The following GUCY1A2 variants were observed in gnomAD, a reference collection of about 807,000 sequenced individuals.
GUCY1A2 encodes guanylate cyclase 1 soluble subunit alpha 2.
In GUCY1A2, 27 loss-of-function variants were observed where a neutral mutation model predicts 63.5. The ratio of observed to expected loss-of-function variants is 0.43; its 90% CI spans 0.31 to 0.59. The LOEUF is 0.59. GUCY1A2 is among the 20% of genes least tolerant of loss of function. The pLI is 0.11. For missense variants in GUCY1A2, 768 were observed against 913.3 expected (o/e 0.84, Z 2.05); for synonymous variants, 364 against 343.5 (o/e 1.06, Z -0.66).
At chr11:106,942,233 A>T (rs1158725666) in intron 3 of GUCY1A2, among the ~76,000 whole-genome samples, 1 of 152,150 alleles carries the variant, frequency 6.6e-6, no homozygotes, top group Admixed American at 6.6e-5. Context: ...TGACACTATT[A>T]ATCATCCCTT....
intron 2 of GUCY1A2, among the ~76,000 whole-genome samples, chr11:106,981,522 A>G (rs995690176): frequency 6.6e-6 from 1 of 152,014 alleles, no homozygotes; most frequent in African/African-American, 2.4e-5. Context: ...TTCTGAATAC[A>G]TATTTCTTTA....
intron 6 of GUCY1A2, among the ~76,000 whole-genome samples, chr11:106,716,732 G>A (rs1863220920): frequency 1.6e-5 from 2 of 126,134 alleles, no homozygotes; most frequent in Non-Finnish European, 3.1e-5. Flanking sequence ...TCACGCTACT[G>A]CACTCCAGCC....
At chr11:106,871,632 T>G (rs1859679404) in intron 4 of GUCY1A2, among the ~76,000 whole-genome samples, 1 of 152,184 alleles carries the variant, frequency 6.6e-6, no homozygotes, top group South Asian at 2.1e-4. Context: ...TTAAGGTCAT[T>G]TGATTATAAC....
At chr11:106,925,157 AAGAG>A (rs551963613) in intron 4 of GUCY1A2, among the ~76,000 whole-genome samples, 17 of 151,560 alleles carry the variant, frequency 1.1e-4, no homozygotes, top group East Asian at 3.9e-4. Flanking sequence ...AAGTTTTCAA[AAGAG>A]AGAGAGAGAG....
At chr11:106,801,356 C>T (rs1432478711) in intron 5 of GUCY1A2, among the ~76,000 whole-genome samples, 1 of 152,026 alleles carries the variant, frequency 6.6e-6, no homozygotes, top group Non-Finnish European at 1.5e-5. Context: ...AAAAGATGAA[C>T]TCTGGTAATT....
chr11:106,777,890 G>T (rs1455186258), intron 5 of GUCY1A2, among the ~76,000 whole-genome samples: 1 of 152,138 alleles, frequency 6.6e-6, no homozygotes, highest in East Asian at 1.9e-4. Flanking sequence ...TTGAGGTGCA[G>T]AGGCCCATCC....
At chr11:106,846,156 G>A (rs1859268062) in intron 4 of GUCY1A2, among the ~76,000 whole-genome samples, 1 of 151,532 alleles carries the variant, frequency 6.6e-6, no homozygotes, top group Non-Finnish European at 1.5e-5. Flanking sequence ...TGGATCCTAG[G>A]AGAGACAATC....
intron 4 of GUCY1A2, among the ~76,000 whole-genome samples, chr11:106,909,870 A>C (rs1341179695): frequency 3.9e-5 from 6 of 152,022 alleles, no homozygotes; most frequent in Admixed American, 3.9e-4. Flanking sequence ...GCTAATACCT[A>C]AGAATGAAAT....
At chr11:106,800,826 G>T (rs61905197) in intron 5 of GUCY1A2, among the ~76,000 whole-genome samples, 3,419 of 151,584 alleles carry the variant, frequency 0.023, 59 homozygotes, top group Middle Eastern at 0.054. Context: ...AACATGGCAT[G>T]TATATACATA....
At chr11:106,867,061 A>G (rs1356323549) in intron 4 of GUCY1A2, among the ~76,000 whole-genome samples, 1 of 151,982 alleles carries the variant, frequency 6.6e-6, no homozygotes, top group African/African-American at 2.4e-5. Flanking sequence ...GTTTCCCCCA[A>G]ATTAATTAAT....
chr11:106,889,487 A>G lies in GUCY1A2; in HGVS notation c.1206+49973T>C, dbSNP rs559572897. On this transcript the variant is annotated intron_variant, in intron 4 of 7. Coordinates refer to ENST00000526355, the MANE Select transcript of GUCY1A2 (RefSeq NM_000855.3). ...CTCAAGCATTCCAAAATCTATTTCA[A>G]TTGTCTCACAGCTCACTTCCACAGC... 2.0e-5 allele frequency among the ~76,000 whole-genome samples: 3 copies of G among 152,272 alleles called. No homozygotes were observed. In the East Asian group the frequency reaches 5.8e-4, roughly 29 times the overall value.
intron 3 of GUCY1A2, among the ~76,000 whole-genome samples, chr11:106,950,530 G>A (rs1860891533): frequency 6.6e-6 from 1 of 152,168 alleles, no homozygotes; most frequent in Non-Finnish European, 1.5e-5. Context: ...CTGCAGATAA[G>A]TATTCTCATC....
intron 7 of GUCY1A2, among the ~76,000 whole-genome samples, chr11:106,703,327 G>A (rs1266236790): frequency 2.6e-5 from 4 of 152,048 alleles, no homozygotes; most frequent in Non-Finnish European, 5.9e-5. Flanking sequence ...AATACACATG[G>A]CAATGATGAA....
chr11:106,866,561 C>A (rs1201194806), intron 4 of GUCY1A2, among the ~76,000 whole-genome samples: 1 of 152,050 alleles, frequency 6.6e-6, no homozygotes, highest in East Asian at 1.9e-4. Flanking sequence ...TTCCCAAGGT[C>A]ATTCTGCAAG....
chr11:106,903,196 C>A (rs1442625251), intron 4 of GUCY1A2, among the ~76,000 whole-genome samples: 2 of 152,086 alleles, frequency 1.3e-5, no homozygotes, highest in South Asian at 2.1e-4. Context: ...ATAATTATTA[C>A]ATCTTCTGAA....
chr11:106,723,792 C>T (rs1048695665), intron 6 of GUCY1A2, among the ~76,000 whole-genome samples: 2 of 152,062 alleles, frequency 1.3e-5, no homozygotes, highest in African/African-American at 4.8e-5. Context: ...TACTGCACTT[C>T]CAGCCTGGGC....
intron 4 of GUCY1A2, among the ~76,000 whole-genome samples, chr11:106,818,309 T>C (rs1858857417): frequency 6.6e-6 from 1 of 152,206 alleles, no homozygotes; most frequent in Admixed American, 6.5e-5. Context: ...ATTCTCATAA[T>C]ATTTCAAGCT....
In GUCY1A2 at chr11:107,017,392, C is replaced by T. The variant is rs9787908; in HGVS notation, c.303+361G>A. Among the ~76,000 whole-genome samples the T allele has an allele frequency of 1.5e-3, 232 of 152,262 alleles. 8 individuals are homozygous for T. The East Asian group carries it at 0.042, about 28-fold the overall frequency. On this transcript the variant is annotated intron_variant, in intron 1 of 7. Coordinates refer to ENST00000526355, the MANE Select transcript of GUCY1A2 (RefSeq NM_000855.3). ...AAGACAGGGAAGCTGAACTGCAGAACACAGTGCCTGGGAAAGTTTAGGGGA... is the reference window on the plus strand; with the variant it reads ...AAGACAGGGAAGCTGAACTGCAGAATACAGTGCCTGGGAAAGTTTAGGGGA...
In GUCY1A2 at chr11:106,722,358, C is replaced by T. The variant is rs112950470; in HGVS notation, c.1837-13692G>A. On this transcript the variant is annotated intron_variant, in intron 6 of 7. Transcript: ENST00000526355. Reference sequence around the variant, plus strand: ...TTCTAAAATTGTATGTTGAGATCCTCCCAAATTTAGCTATTTTTAAAAAAC... The same window carrying T: ...TTCTAAAATTGTATGTTGAGATCCTTCCAAATTTAGCTATTTTTAAAAAAC... Among the ~76,000 whole-genome samples the T allele has an allele frequency of 9.2e-3, 1,394 of 151,840 alleles. 16 individuals are homozygous for T. The highest frequency in any genetic ancestry group is 0.022 in the South Asian group (107 of 4,798).
Sources: gnomAD v4.1 joint callset for allele counts (sites outside exome capture counted in the v4.1 genomes callset) on GRCh38, gnomAD v4.1.1 for gene constraint, MANE v1.5 for transcripts, NCBI Gene and HGNC (gene_info 2026-07-23, HGNC 2026-07-21) for gene names.